The following MYH4 variants were observed in gnomAD, a reference collection of about 807,000 sequenced individuals.
MYH4 encodes the protein myosin heavy chain 4.
MYH4 carries 200 observed loss-of-function variants against 229.9 expected under a neutral mutation model. The ratio of observed to expected loss-of-function variants is 0.87; its 90% CI spans 0.78 to 0.98. MYH4 has a LOEUF of 0.98. MYH4 is among the 50% of genes least tolerant of loss of function. MYH4 has a pLI of 0.00. For missense variants in MYH4, 2,148 were observed against 2,332.6 expected (o/e 0.92, Z 1.63); for synonymous variants, 761 against 834.6 (o/e 0.91, Z 1.52).
At chr17:10,444,451 T>A (rs1185870336) in intron 39 of MYH4, among the ~76,000 whole-genome samples, 153 bp downstream of exon 39, 8 of 152,156 alleles carry the variant, frequency 5.3e-5, no homozygotes, top group Admixed American at 5.2e-4. Context: ...GCTCCAGTAA[T>A]TTATGGTTCA....
At chr17:10,458,812 C>T (rs940631420) in intron 15 of MYH4, among the ~76,000 whole-genome samples, 7 of 152,238 alleles carry the variant, frequency 4.6e-5, no homozygotes, top group Admixed American at 2.0e-4. Flanking sequence ...GACTTAATGA[C>T]TGCAACAGTT....
rs761372918 is a variant in MYH4, at chr17:10,466,349, A to G, written c.272T>C (p.Met91Thr). The G allele has an allele frequency of 2.5e-6, 4 of 1,614,186 alleles. No individual in the cohort carries two copies. Among genetic ancestry groups the G allele is most frequent in the South Asian group, 1.1e-5 (1 of 91,082 alleles). The change falls in exon 4 of 40, where the codon ATG becomes ACG. Residue 91 changes from methionine (M) to threonine (T), a missense_variant. Transcript: ENST00000255381. ...CTCATGCAGGTGAGTCATCATGGCC[A>G]TGTCCTCGATCTTGTCATATTTGGG... ...NPPKYDKIED[M>T]AMMTHLHEPA...
rs749116036 is a variant in MYH4 at position 10,453,712 on chromosome 17, C to T, written c.2865G>A (p.Lys955=). Residue 955 remains lysine (K), a synonymous_variant, in exon 23 of 40, where the codon AAG becomes AAA. Coordinates refer to ENST00000255381, the MANE Select transcript of MYH4 (RefSeq NM_017533.2). The stretch of plus-strand genomic sequence containing the variant: ...TCAGCTCAAGGTCATCAATGTCTTT[C>T]TTGAGCTCTGAACATTCATCCTCCA... ...RKLEDECSEL[K]KDIDDLELTL... is the part of the protein sequence containing the mutation. The T allele has an allele frequency of 1.2e-6, 2 of 1,614,114 alleles. No individual in the cohort carries two copies. The highest frequency in any genetic ancestry group is 1.7e-6 in the Non-Finnish European group (2 of 1,180,010).
chr17:10,443,313 A>G lies in MYH4; in HGVS notation c.*62T>C. 3 of 1,547,328 alleles carry G rather than the reference A, an allele frequency of 1.9e-6. No individual in the cohort carries two copies. The highest frequency in any genetic ancestry group is 2.3e-5 in the South Asian group (2 of 88,404). ...ATTTTATTTCCTTGATATACAGGAC[A>G]GTGACAAAGAACTTCACATTTCGTG... is the stretch of plus-strand genomic sequence containing the variant. On this transcript the variant is annotated 3_prime_UTR_variant, in exon 40 of 40. Coordinates refer to ENST00000255381, the MANE Select transcript of MYH4 (RefSeq NM_017533.2). This position sits in a 1 kb window ranked among gnomAD's most constrained non-coding sequence, Gnocchi z 4.6.
chr17:10,447,198 C>T lies in MYH4; in HGVS notation c.4984G>A (p.Asp1662Asn). Residue 1662 changes from aspartate (D) to asparagine (N), a missense_variant, in exon 35 of 40, where the codon GAT (aspartate) becomes AAT (asparagine). Physicochemically the swap from Asp to Asn is conservative, Grantham distance 23. Coordinates refer to ENST00000255381, the MANE Select transcript of MYH4 (RefSeq NM_017533.2). ...TCATCTTGGCCTCTGATGGCATCAT[C>T]CAAATGTAGCTGAGTGTCCTACACA... ...GILKDTQLHL[D>N]DAIRGQDDLK... 2 of 1,614,110 alleles carry T rather than the reference C, an allele frequency of 1.2e-6. No individual in the cohort carries two copies. Among genetic ancestry groups the T allele is most frequent in the South Asian group, 1.1e-5 (1 of 91,074 alleles).
rs1237006529 is a variant in MYH4, at chr17:10,452,093, G to A, written c.3586C>T (p.Leu1196Phe). The change falls in exon 27 of 40, where the codon CTT becomes TTT. Residue 1196 changes from leucine to phenylalanine, a missense_variant. Leu to Phe is a conservative substitution (Grantham distance 22, BLOSUM62 0). Coordinates refer to ENST00000255381, the MANE Select transcript of MYH4 (RefSeq NM_017533.2). ...ACACTATCTGCGTGCTTCTTCCGAA[G>A]AGCAGCTGCCGTGGCTTCGTGCTGC... ...TLQHEATAAA[L>F]RKKHADSVAE... 2.5e-6 allele frequency: 4 copies of A among 1,613,876 alleles called. No homozygotes were observed. Among genetic ancestry groups the A allele is most frequent in the Non-Finnish European group, 3.4e-6 (4 of 1,179,958 alleles).
In MYH4 at chr17:10,445,052, A is replaced by C. The variant is rs1191914036; in HGVS notation, c.5390T>G (p.Leu1797Arg). The C allele has an allele frequency of 3.7e-6, 6 of 1,614,144 alleles. No individual in the cohort carries two copies. The highest frequency in any genetic ancestry group is 4.2e-6 in the Non-Finnish European group (5 of 1,180,014). The change falls in exon 37 of 40, where the codon CTG (leucine) becomes CGG (arginine). Residue 1797 changes from leucine (L) to arginine (R), a missense_variant. Transcript: ENST00000255381. ...KKNMEQTVKDLQLRLDEAEQL... is the reference protein window; with the variant it reads ...KKNMEQTVKDRQLRLDEAEQL... ...CTCAGCCTCATCCAGACGGAGCTGC[A>C]GATCCTTCACGGTCTGCTCCATGTT...
chr17:10,452,276 T>C lies in MYH4; in HGVS notation c.3403A>G (p.Lys1135Glu), dbSNP rs1477644683. The C allele has an allele frequency of 1.2e-6, 2 of 1,613,970 alleles. No homozygotes were observed. The highest frequency in any genetic ancestry group is 1.7e-6 in the Non-Finnish European group (2 of 1,180,010). Reference sequence around the variant, plus strand: ...AGGTCAGAGCGCTGCTTCTCTGCTTTGGCCCGGGAGGCCCGCTCTGCCTCG... The same window carrying C: ...AGGTCAGAGCGCTGCTTCTCTGCTTCGGCCCGGGAGGCCCGCTCTGCCTCG... ...EIEAERASRA[K>E]AEKQRSDLSR... Residue 1135 changes from lysine to glutamate, a missense_variant, in exon 27 of 40, where the codon AAA becomes GAA. Physicochemically the swap from Lys to Glu is moderately conservative, Grantham distance 56. Coordinates refer to ENST00000255381, the MANE Select transcript of MYH4 (RefSeq NM_017533.2).
Position 10,452,922 on chromosome 17 carries a change from G to C in MYH4, c.3122C>G (p.Ser1041Cys). The C allele has an allele frequency of 6.2e-7, 1 of 1,603,800 alleles. No individual in the cohort carries two copies. Among genetic ancestry groups the C allele is most frequent in the Non-Finnish European group, 8.5e-7 (1 of 1,178,054 alleles). ...LEQQVDDLEG[S>C]LEQEKKLCMD... ...GCAAAGTTTCTTTTCTTGTTCCAGA[G>C]ATCCTTCAAGCTAAATTTATGATGC... The change falls in exon 25 of 40, where the codon TCT becomes TGT. Residue 1041 changes from serine to cysteine, a missense_variant. Coordinates refer to ENST00000255381, the MANE Select transcript of MYH4 (RefSeq NM_017533.2).
rs762132216 is a variant in MYH4 at position 10,466,776 on chromosome 17, T to A, written c.-31A>T. 2.5e-6 allele frequency: 4 copies of A among 1,611,754 alleles called. No homozygotes were observed. The highest frequency in any genetic ancestry group is 3.4e-6 in the Non-Finnish European group (4 of 1,177,974). ...CAGGTTATTGATGGCAGTACTGGAC[T>A]AGGTATACCTAGAGGAAGAAACAGA... On this transcript the variant is annotated 5_prime_UTR_variant, in exon 3 of 40. Transcript: ENST00000255381.
chr17:10,450,903 A>G lies in MYH4; in HGVS notation c.3866-8T>C. The G allele has an allele frequency of 6.3e-7, 1 of 1,589,164 alleles. No homozygotes were observed. The highest frequency in any genetic ancestry group is 8.6e-7 in the Non-Finnish European group (1 of 1,157,530). On this transcript the variant is annotated splice_region_variant and splice_polypyrimidine_tract_variant and intron_variant, in intron 28 of 39. Coordinates refer to ENST00000255381, the MANE Select transcript of MYH4 (RefSeq NM_017533.2). Reference sequence around the variant, plus strand: ...GCTGTCGTGAAAACTCACCTGTGGAAGACAAAACATCAATGATTTAGTTCT... The same window carrying G: ...GCTGTCGTGAAAACTCACCTGTGGAGGACAAAACATCAATGATTTAGTTCT...
chr17:10,466,135 A>AT, intron 4 of MYH4, 138 bp downstream of exon 4: 1 of 1,069,050 alleles, frequency 9.4e-7, no homozygotes, highest in Non-Finnish European at 1.3e-6. Context: ...AAAACATATC[A>AT]GAGTTTACAA....
rs1328982946 is a variant in MYH4, at chr17:10,457,444, A to G, written c.1873T>C (p.Ser625Pro). 1 of 1,609,576 alleles carries G rather than the reference A, an allele frequency of 6.2e-7. No individual in the cohort carries two copies. The highest frequency in any genetic ancestry group is 8.5e-7 in the Non-Finnish European group (1 of 1,177,100). ...SAMKTLAFLFSGAQTAEAEGG... is the reference protein window; with the variant it reads ...SAMKTLAFLFPGAQTAEAEGG... ...CCTGCTTCAGCAGTTTGTGCCCCAG[A>G]GAAGAGGAAAGCCAGAGTCTTCATT... The change falls in exon 16 of 40, where the codon TCT becomes CCT. Residue 625 changes from serine (S) to proline (P), a missense_variant. Ser to Pro is a moderately conservative substitution (Grantham distance 74). Transcript: ENST00000255381.
Position 10,453,178 on chromosome 17 carries a change from T to A in MYH4, c.3085A>T (p.Thr1029Ser). 6.2e-7 allele frequency: 1 copy of A among 1,614,110 alleles called. No homozygotes were observed. The highest frequency in any genetic ancestry group is 8.5e-7 in the Non-Finnish European group (1 of 1,180,008). ...DKVNTLTKAK[T>S]KLEQQVDDLE... ...TCGTCCACTTGCTGTTCTAGCTTGG[T>A]TTTAGCTTTGGTCAGGGTGTTGACT... Residue 1029 changes from threonine (T) to serine (S), a missense_variant, in exon 24 of 40, where the codon ACC becomes TCC. Coordinates refer to ENST00000255381, the MANE Select transcript of MYH4 (RefSeq NM_017533.2).
Position 10,444,606 on chromosome 17 carries a change from C to A in MYH4, c.5665G>T (p.Ala1889Ser). 1 of 1,613,026 alleles carries A rather than the reference C, an allele frequency of 6.2e-7. No homozygotes were observed. The highest frequency in any genetic ancestry group is 8.5e-7 in the Non-Finnish European group (1 of 1,179,226). ...VKAYKRQAEEAEEQSNVNLAK... is the reference protein window; with the variant it reads ...VKAYKRQAEESEEQSNVNLAK... ...ATTTCCACTGTGGAGATACTCACAG[C>A]CTCTTCAGCTTGTCTCTTGTAAGCT... Residue 1889 changes from alanine (A) to serine (S), a missense_variant and splice_region_variant, in exon 39 of 40, where the codon GCT becomes TCT. Physicochemically the swap from Ala to Ser is moderately conservative, Grantham distance 99. Transcript: ENST00000255381.
chr17:10,444,975 C>T lies in MYH4; in HGVS notation c.5466+1G>A. 6.2e-7 allele frequency: 1 copy of T among 1,614,124 alleles called. No individual in the cohort carries two copies. The highest frequency in any genetic ancestry group is 8.5e-7 in the Non-Finnish European group (1 of 1,180,022). On this transcript the variant is annotated splice_donor_variant, in intron 37 of 39. Coordinates refer to ENST00000255381, the MANE Select transcript of MYH4 (RefSeq NM_017533.2). LOFTEE classifies it high-confidence loss of function. ...AATTGAGTGAAGTTGTGGAGACCTA[C>T]CCTGGCCTCCAGTTTCTGGATCTGC...
At chr17:10,465,321 A>C in intron 5 of MYH4, 121 bp downstream of exon 5, 1 of 1,288,406 alleles carries the variant, frequency 7.8e-7, no homozygotes, top group Non-Finnish European at 1.1e-6. Flanking sequence ...CCCTAATTTT[A>C]TTATTTCTGT....
At chr17:10,461,119 G>C (rs1000743315) in intron 11 of MYH4, 65 bp from the exon 12 acceptor site, 11 of 1,575,502 alleles carry the variant, frequency 7.0e-6, no homozygotes, top group Admixed American at 3.5e-5. Context: ...CAGAACACCG[G>C]GGCTGTCTCC....
At position 10,453,762 on chromosome 17, in the gene MYH4, C is replaced by T. The variant is rs1268421786; in HGVS notation, c.2815G>A (p.Glu939Lys). The change falls in exon 23 of 40, where the codon GAG becomes AAG. Residue 939 changes from glutamate (E) to lysine (K), a missense_variant. Transcript: ENST00000255381. ...RAEDEEEINAELTAKKRKLED... is the reference protein window; with the variant it reads ...RAEDEEEINAKLTAKKRKLED... ...AGTTTCCTCTTCTTGGCTGTCAGCT[C>T]AGCATTGATCTCTTCCTCATCCTCA... 2 of 1,614,076 alleles carry T rather than the reference C, an allele frequency of 1.2e-6. No homozygotes were observed. Among genetic ancestry groups the T allele is most frequent in the Non-Finnish European group, 1.7e-6 (2 of 1,180,000 alleles).
Sources: allele counts gnomAD v4.1 joint callset (sites outside exome capture counted in the v4.1 genomes callset), GRCh38; gene constraint gnomAD v4.1.1; non-coding constraint Gnocchi (gnomAD v3.1); transcripts MANE v1.5; gene names NCBI Gene and HGNC (gene_info 2026-07-23, HGNC 2026-07-21).